The following DGKG variants were observed in gnomAD, a reference collection of about 807,000 sequenced individuals.
DGKG encodes the protein diacylglycerol kinase gamma.
A neutral mutation model predicts 105.3 loss-of-function variants in DGKG; 78 were observed. The observed-to-expected ratio is 0.74, with a 90% confidence interval of 0.62 to 0.89. DGKG has a LOEUF of 0.89. DGKG is among the 40% of genes least tolerant of loss of function. DGKG has a pLI of 0.00. For missense variants in DGKG, 958 were observed against 1,020.1 expected (o/e 0.94, Z 0.83); for synonymous variants, 346 against 367.1 (o/e 0.94, Z 0.66).
At chr3:186,239,785 A>G (rs73885808) in intron 20 of DGKG, among the ~76,000 whole-genome samples, 5,907 of 152,202 alleles carry the variant, frequency 0.039, 127 homozygotes, top group African/African-American at 0.044. Flanking sequence ...GTGAGCTGAG[A>G]ACCTACCCTC....
At chr3:186,190,535 T>C (rs1717856949) in intron 21 of DGKG, among the ~76,000 whole-genome samples, 1 of 152,220 alleles carries the variant, frequency 6.6e-6, no homozygotes, top group South Asian at 2.1e-4. Context: ...TTGATAAAGA[T>C]TGCACTGGCC....
At chr3:186,268,032 G>A (rs1273485017) in intron 12 of DGKG, among the ~76,000 whole-genome samples, 1 of 152,136 alleles carries the variant, frequency 6.6e-6, no homozygotes, top group Non-Finnish European at 1.5e-5. Context: ...TCATGAGCCG[G>A]CCTGTGACCC....
At chr3:186,253,320 C>G in intron 17 of DGKG, 138 bp from the exon 18 acceptor site, 1 of 684,802 alleles carries the variant, frequency 1.5e-6, no homozygotes. Flanking sequence ...GGGAAACACA[C>G]TACTTCCTAA....
chr3:186,290,769 G>C (rs747751382), intron 5 of DGKG, among the ~76,000 whole-genome samples: 2 of 152,210 alleles, frequency 1.3e-5, no homozygotes, highest in Non-Finnish European at 2.9e-5. Context: ...CAGAGAGCTA[G>C]CTCTGAATGT....
At chr3:186,193,865 C>T (rs2108505062) in intron 21 of DGKG, among the ~76,000 whole-genome samples, 1 of 152,366 alleles carries the variant, frequency 6.6e-6, no homozygotes, top group Non-Finnish European at 1.5e-5. Flanking sequence ...CCATCCCTAA[C>T]CCAGGACCTG....
In DGKG at chr3:186,147,244, G is replaced by T; in HGVS notation, c.*2846C>A. On this transcript the variant is annotated 3_prime_UTR_variant, in exon 25 of 25. Coordinates refer to ENST00000265022, the MANE Select transcript of DGKG (RefSeq NM_001346.3). ...TATTGCTGTTGGGGTAGAAGCATGG[G>T]GGGCAGGTGAGAACATGTTTGTAGC... 1 of 985,904 alleles carries T rather than the reference G, an allele frequency of 1.0e-6. No homozygotes were observed. Among genetic ancestry groups the T allele is most frequent in the East Asian group, 1.1e-4 (1 of 8,808 alleles). The allele number at this position is 985,904 out of a possible 1,614,324, so 61.1% of individuals were successfully genotyped here.
chr3:186,268,926 G>A lies in DGKG; in HGVS notation c.1000-9C>T, dbSNP rs1183535701. 4 of 1,601,818 alleles carry A rather than the reference G, an allele frequency of 2.5e-6. No individual in the cohort carries two copies. The Admixed American group carries it at 5.0e-5, about 20-fold the overall frequency. On this transcript the variant is annotated splice_polypyrimidine_tract_variant and intron_variant, in intron 11 of 24. Coordinates refer to ENST00000265022, the MANE Select transcript of DGKG (RefSeq NM_001346.3). Reference sequence around the variant, plus strand: ...CATGCGTGCTGCATCACCTGCGGGAGGGAAGCGAACGATGCCAGGGAAAAT... The same window carrying A: ...CATGCGTGCTGCATCACCTGCGGGAAGGAAGCGAACGATGCCAGGGAAAAT...
At chr3:186,265,394 TAAAG>T (rs1276519960) in intron 13 of DGKG, 88 bp from the exon 14 acceptor site, 4 of 1,212,818 alleles carry the variant, frequency 3.3e-6, no homozygotes, top group Non-Finnish European at 2.4e-6. Flanking sequence ...ACGGCTGATA[TAAAG>T]AAAGAGATCA....
chr3:186,321,037 A>T (rs1170891071), intron 1 of DGKG, among the ~76,000 whole-genome samples: 1 of 152,246 alleles, frequency 6.6e-6, no homozygotes, highest in East Asian at 1.9e-4. Context: ...ATGAGTAATT[A>T]CAGGAACAGG....
chr3:186,305,463 G>A (rs1298212694), intron 3 of DGKG, among the ~76,000 whole-genome samples: 4 of 152,190 alleles, frequency 2.6e-5, no homozygotes, highest in African/African-American at 7.2e-5. Flanking sequence ...AAGAGATGAG[G>A]TCAGAGAGCT....
chr3:186,209,093 C>CTTTTTTTTTTTTT lies in DGKG; in HGVS notation c.1917+2689_1917+2701dup, dbSNP rs34226259. 1.6e-3 allele frequency among the ~76,000 whole-genome samples: 145 copies of CTTTTTTTTTTTTT among 89,784 alleles called. 6 individuals are homozygous for CTTTTTTTTTTTTT. The highest frequency in any genetic ancestry group is 7.0e-3 in the African/African-American group (145 of 20,748). 58.9% of individuals were successfully genotyped at this position (89,784 alleles called of 152,430 possible). A position where few individuals can be genotyped will look rare whatever the true frequency, so the allele number is the denominator to read the frequency against. ...TTTTCTCTCCCTTCAGTTTACTCTT[C>CTTTTTTTTTTTTT]TTTTTTTTTTTTTTTTTTTTTTTAA... is the stretch of plus-strand genomic sequence containing the variant. On this transcript the variant is annotated intron_variant, in intron 21 of 24. Coordinates refer to ENST00000265022, the MANE Select transcript of DGKG (RefSeq NM_001346.3).
At chr3:186,244,108 G>C (rs968462547) in intron 19 of DGKG, among the ~76,000 whole-genome samples, 13 of 152,010 alleles carry the variant, frequency 8.6e-5, no homozygotes, top group African/African-American at 3.1e-4. Flanking sequence ...TGTTGGCCAG[G>C]CTGGTCTCGA....
At chr3:186,343,879 G>T (rs536007975) in intron 1 of DGKG, among the ~76,000 whole-genome samples, 1 of 151,990 alleles carries the variant, frequency 6.6e-6, no homozygotes, top group Non-Finnish European at 1.5e-5. Context: ...ATTATTTGGT[G>T]TTACTAAACA....
chr3:186,320,382 C>A lies in DGKG; in HGVS notation c.67+11G>T, dbSNP rs1553820127. The stretch of plus-strand genomic sequence containing the variant: ...AAATCCCGTCCCAGGGCTGTCAATG[C>A]ATTTACTCACATTCTGAATATTTCT... On this transcript the variant is annotated intron_variant, in intron 2 of 24. Coordinates refer to ENST00000265022, the MANE Select transcript of DGKG (RefSeq NM_001346.3). The A allele has an allele frequency of 2.5e-6, 4 of 1,614,136 alleles. No homozygotes were observed. The South Asian group carries it at 4.4e-5, about 18-fold the overall frequency.
intron 20 of DGKG, among the ~76,000 whole-genome samples, chr3:186,212,468 T>C (rs1719080625): frequency 2.0e-5 from 3 of 152,160 alleles, no homozygotes; most frequent in Non-Finnish European, 2.9e-5. Flanking sequence ...AAGAGTTGAT[T>C]GGTAGCAATA....
intron 24 of DGKG, 152 bp from the exon 25 acceptor site, chr3:186,150,340 C>T (rs774896434): frequency 3.0e-5 from 30 of 1,011,482 alleles, no homozygotes; most frequent in Non-Finnish European, 3.9e-5. Context: ...AAATTGGCAA[C>T]TTGACCCTGA....
intron 3 of DGKG, 84 bp downstream of exon 3, chr3:186,306,817 G>T: frequency 2.2e-6 from 2 of 892,974 alleles, no homozygotes; most frequent in Non-Finnish European, 3.6e-6. Flanking sequence ...TTCAAGGCAA[G>T]CGGAGTCTCC....
At chr3:186,336,539 G>A in intron 1 of DGKG, among the ~76,000 whole-genome samples, 1 of 152,144 alleles carries the variant, frequency 6.6e-6, no homozygotes, top group East Asian at 1.9e-4. Flanking sequence ...AACTCAAGAA[G>A]CTAAAAAAGG....
At chr3:186,332,111 G>A (rs1001482858) in intron 1 of DGKG, among the ~76,000 whole-genome samples, 3 of 152,304 alleles carry the variant, frequency 2.0e-5, no homozygotes, top group South Asian at 2.1e-4. Context: ...CACCTGTGGA[G>A]ATGCCACGCC....
Sources: gnomAD v4.1 joint callset for allele counts (sites outside exome capture counted in the v4.1 genomes callset) on GRCh38, gnomAD v4.1.1 for gene constraint, MANE v1.5 for transcripts, NCBI Gene and HGNC (gene_info 2026-07-23, HGNC 2026-07-21) for gene names.